The following ELFN1 variants were observed in gnomAD, a reference collection of about 807,000 sequenced individuals.
ELFN1 encodes extracellular leucine rich repeat and fibronectin type III domain containing 1.
A neutral mutation model predicts 7.6 loss-of-function variants in ELFN1; 6 were observed. The observed-to-expected ratio is 0.79, with a 90% CI of 0.43 to 1.56. The LOEUF (loss-of-function observed/expected upper bound fraction) is 1.56. Ranked by LOEUF, ELFN1 falls within the 40% of genes most tolerant of loss-of-function variation. The pLI is 0.01. For missense variants in ELFN1, 1,169 were observed against 1,232.2 expected (o/e 0.95, Z 0.77); for synonymous variants, 657 against 588.1 (o/e 1.12, Z -1.70).
At chr7:1,707,701 A>G (rs1583342529) in intron 2 of ELFN1, among the ~76,000 whole-genome samples, 1 of 152,226 alleles carries the variant, frequency 6.6e-6, no homozygotes, top group Non-Finnish European at 1.5e-5. Flanking sequence ...TATTATTTCA[A>G]TTAGTGGTTA....
At chr7:1,668,766 G>A (rs1340263581), upstream of ELFN1, among the ~76,000 whole-genome samples, 2 of 152,250 alleles carry the variant, frequency 1.3e-5, no homozygotes, top group African/African-American at 4.8e-5. Flanking sequence ...CTTGGCCTGC[G>A]GCCTGGCTCT....
At chr7:1,723,149 G>A (rs183436222) in intron 3 of ELFN1, among the ~76,000 whole-genome samples, 242 of 152,254 alleles carry the variant, frequency 1.6e-3, no homozygotes, top group Non-Finnish European at 2.3e-3. Context: ...AGCCAAGATC[G>A]CACCACTGCA....
chr7:1,719,730 G>A (rs1176110598), intron 3 of ELFN1, among the ~76,000 whole-genome samples: 1 of 152,216 alleles, frequency 6.6e-6, no homozygotes, highest in African/African-American at 2.4e-5. Flanking sequence ...GGTGGGGTTC[G>A]AAGCACTGGG....
In ELFN1 at chr7:1,673,035, C is replaced by T. The variant is rs903333743; in HGVS notation, c.-549+2681C>T. ...TAAATTTCCAGGCGTGAACCTGGAGCGGATGGTGGCACCGCCGCGGACATT... is the reference window on the plus strand; with the variant it reads ...TAAATTTCCAGGCGTGAACCTGGAGTGGATGGTGGCACCGCCGCGGACATT... On this transcript the variant is annotated intron_variant, in intron 1 of 3. Transcript: ENST00000424383. The surrounding 1 kb of genome is among the most constrained non-coding windows in gnomAD (Gnocchi z 4.7). Among the ~76,000 whole-genome samples the T allele has an allele frequency of 1.3e-5, 2 of 152,048 alleles. No homozygotes were observed. Among genetic ancestry groups the T allele is most frequent in the African/African-American group, 4.8e-5 (2 of 41,388 alleles).
chr7:1,708,101 C>T (rs1583343149), intron 2 of ELFN1, among the ~76,000 whole-genome samples: 1 of 152,210 alleles, frequency 6.6e-6, no homozygotes, highest in Non-Finnish European at 1.5e-5. Flanking sequence ...CCCTGCACCC[C>T]ACCAGCACCC....
rs1309206282 is a variant in ELFN1, at chr7:1,695,608, G to A, written c.-456+7458G>A. ...TAAAAAATACAAAAATTAGCCGGGC[G>A]TTGTGGTGGACACCTGTAATCCCAG... On this transcript the variant is annotated intron_variant, in intron 2 of 3. Coordinates refer to ENST00000424383, the MANE Select transcript of ELFN1 (RefSeq NM_001128636.4). The surrounding 1 kb of genome is among the most constrained non-coding windows in gnomAD (Gnocchi z 5.1). 3.9e-5 allele frequency among the ~76,000 whole-genome samples: 6 copies of A among 152,038 alleles called. No individual in the cohort carries two copies. The highest frequency in any genetic ancestry group is 3.9e-4 in the East Asian group (2 of 5,174).
intron 2 of ELFN1, among the ~76,000 whole-genome samples, chr7:1,699,928 G>T (rs1245463367): frequency 2.0e-5 from 3 of 151,844 alleles, no homozygotes; most frequent in Non-Finnish European, 4.4e-5. Context: ...TCGAACTCCT[G>T]AGCTCAGGTG....
At chr7:1,736,997 C>T (rs1170061485) in intron 3 of ELFN1, among the ~76,000 whole-genome samples, 1 of 152,160 alleles carries the variant, frequency 6.6e-6, no homozygotes, top group Non-Finnish European at 1.5e-5. Context: ...TTCCACCTGC[C>T]CCCAGCTACC....
chr7:1,737,378 G>A lies in ELFN1; in HGVS notation c.-293-6926G>A, dbSNP rs114545810. Reference sequence around the variant, plus strand: ...AGATGAACACGGACCCTCCTGCTCCGGGTCTCGGGGGCACAGCAGGCGGTA... The same window carrying A: ...AGATGAACACGGACCCTCCTGCTCCAGGTCTCGGGGGCACAGCAGGCGGTA... On this transcript the variant is annotated intron_variant, in intron 3 of 3. Coordinates refer to ENST00000424383, the MANE Select transcript of ELFN1 (RefSeq NM_001128636.4). 8.6e-3 allele frequency among the ~76,000 whole-genome samples: 1,307 copies of A among 152,174 alleles called. 19 individuals carry two copies. The highest frequency in any genetic ancestry group is 0.03 in the African/African-American group (1,230 of 41,510).
chr7:1,720,579 G>A (rs990454816), intron 3 of ELFN1, among the ~76,000 whole-genome samples: 1 of 152,194 alleles, frequency 6.6e-6, no homozygotes, highest in African/African-American at 2.4e-5. Context: ...TAGACCAGAT[G>A]GCTCTTTGCG....
intron 2 of ELFN1, among the ~76,000 whole-genome samples, chr7:1,702,025 C>G (rs530763486): frequency 6.6e-6 from 1 of 152,172 alleles, no homozygotes; most frequent in East Asian, 1.9e-4. Context: ...CCTCTTGGGT[C>G]AGTTTCTGGA....
At chr7:1,704,953 G>GGGGACAGTGAGGATGGGCCC (rs1371907940) in intron 2 of ELFN1, among the ~76,000 whole-genome samples, 1 of 152,182 alleles carries the variant, frequency 6.6e-6, no homozygotes. Flanking sequence ...ATGTGGAGAC[G>GGGGACAGTGAGGATGGGCCC]GGGACAGTGA....
chr7:1,707,971 C>T (rs371451058), intron 2 of ELFN1, among the ~76,000 whole-genome samples: 1 of 152,310 alleles, frequency 6.6e-6, no homozygotes, highest in Admixed American at 6.5e-5. Context: ...GAGGCTCCCT[C>T]AGCCTCCAGG....
rs1254175702 is a variant in ELFN1, at chr7:1,744,419, G to A, written c.-178G>A. ...GAAGACGAGAGGCGGCCGGCCGTGA[G>A]GGAGGCGCCCTCCCTCCCCGCGCTT... On this transcript the variant is annotated 5_prime_UTR_variant, in exon 4 of 4. Transcript: ENST00000424383. 7 of 677,122 alleles carry A rather than the reference G, an allele frequency of 1.0e-5. No individual in the cohort carries two copies. Among genetic ancestry groups the A allele is most frequent in the Non-Finnish European group, 1.6e-5 (7 of 433,064 alleles). 41.9% of individuals were successfully genotyped at this position (677,122 alleles called of 1,614,324 possible). A position where few individuals can be genotyped will look rare whatever the true frequency, so the allele number is the denominator to read the frequency against.
chr7:1,730,464 A>G (rs116473998), intron 3 of ELFN1, among the ~76,000 whole-genome samples: 4,365 of 152,326 alleles, frequency 0.029, 217 homozygotes, highest in African/African-American at 0.1. Context: ...ATTCCACAGA[A>G]TATCACAGAG....
At chr7:1,711,316 AGGGT>A (rs1562369745) in intron 3 of ELFN1, among the ~76,000 whole-genome samples, 1 of 151,514 alleles carries the variant, frequency 6.6e-6, no homozygotes, top group Non-Finnish European at 1.5e-5. Context: ...GAATGAACCC[AGGGT>A]GGGTCTGCTG....
intron 3 of ELFN1, chr7:1,738,690 G>A (rs1780520390): frequency 6.6e-6 from 1 of 151,986 alleles, no homozygotes; most frequent in South Asian, 2.1e-4. Context: ...AACGGAAGAG[G>A]AAGCAGAGCC....
At chr7:1,674,698 CCA>C (rs1403153196) in intron 1 of ELFN1, among the ~76,000 whole-genome samples, 1 of 152,128 alleles carries the variant, frequency 6.6e-6, no homozygotes, top group African/African-American at 2.4e-5. Flanking sequence ...ACTCGGGCAG[CCA>C]CAGTGGGAGA....
chr7:1,721,303 C>T (rs1363021810), intron 3 of ELFN1, among the ~76,000 whole-genome samples: 1 of 152,228 alleles, frequency 6.6e-6, no homozygotes, highest in Non-Finnish European at 1.5e-5. Context: ...GAGGGATGAC[C>T]TCACTGTGTA....
Sources: gnomAD v4.1 joint callset for allele counts (sites outside exome capture counted in the v4.1 genomes callset) on GRCh38, gnomAD v4.1.1 for gene constraint, Gnocchi (gnomAD v3.1) non-coding constraint, MANE v1.5 for transcripts, NCBI Gene and HGNC (gene_info 2026-07-23, HGNC 2026-07-21) for gene names.